The following NPHP4 variants were observed in gnomAD, a reference collection of about 807,000 sequenced individuals.
NPHP4 encodes nephrocystin-4.
NPHP4 carries 151 observed loss-of-function variants against 155.8 expected under a neutral mutation model. That is an observed-to-expected ratio of 0.97 (90% CI 0.85 to 1.11). The LOEUF (loss-of-function observed/expected upper bound fraction) is 1.11. NPHP4 is among the 50% of genes least tolerant of loss of function. The pLI, the probability that NPHP4 is intolerant of heterozygous loss-of-function variation, is 0.00. For missense variants in NPHP4, 1,956 were observed against 1,925.7 expected (o/e 1.02, Z -0.29); for synonymous variants, 845 against 816.8 (o/e 1.03, Z -0.59).
intron 3 of NPHP4, among the ~76,000 whole-genome samples, chr1:5,971,470 C>T (rs1355174449): frequency 1.3e-5 from 2 of 152,158 alleles, no homozygotes; most frequent in Non-Finnish European, 2.9e-5. Context: ...GGGAACAGCC[C>T]CAAGCTAAAG....
chr1:5,891,415 ACAGG>A (rs994056947), intron 16 of NPHP4, among the ~76,000 whole-genome samples: 77 of 152,312 alleles, frequency 5.1e-4, no homozygotes, highest in Non-Finnish European at 9.3e-4. Context: ...GTTCACACAC[ACAGG>A]CAGAGCTCAA....
At chr1:5,935,954 T>C (rs1474371376) in intron 9 of NPHP4, among the ~76,000 whole-genome samples, 1 of 152,202 alleles carries the variant, frequency 6.6e-6, no homozygotes, top group Non-Finnish European at 1.5e-5. Context: ...TAGACTACTT[T>C]TGTAAACAGT....
intron 11 of NPHP4, among the ~76,000 whole-genome samples, chr1:5,919,676 C>A (rs928365377): frequency 3.3e-5 from 5 of 152,070 alleles, no homozygotes; most frequent in Non-Finnish European, 7.4e-5. Flanking sequence ...GCTTTCTGGG[C>A]CCACCCGGAA....
At chr1:5,920,773 T>C (rs953936230) in intron 11 of NPHP4, among the ~76,000 whole-genome samples, 1 of 152,268 alleles carries the variant, frequency 6.6e-6, no homozygotes, top group African/African-American at 2.4e-5. Flanking sequence ...TTAATGGTCA[T>C]ATGTATTGCA....
chr1:5,967,380 A>G lies in NPHP4; in HGVS notation c.453-17T>C, dbSNP rs201880900. On this transcript the variant is annotated splice_polypyrimidine_tract_variant and intron_variant, in intron 4 of 29. Transcript: ENST00000378156. ...AGCCGCAACCTGGAAGACAGGACCCAGAGAACAGTCGTCAGCCACGTGCGC... is the reference window on the plus strand; with the variant it reads ...AGCCGCAACCTGGAAGACAGGACCCGGAGAACAGTCGTCAGCCACGTGCGC... 7.8e-5 allele frequency: 125 copies of G among 1,598,008 alleles called. No homozygotes were observed. The East Asian group carries it at 2.8e-3, about 36-fold the overall frequency.
At chr1:5,991,785 A>G (rs1259643917) in intron 1 of NPHP4, among the ~76,000 whole-genome samples, 1 of 138,772 alleles carries the variant, frequency 7.2e-6, no homozygotes, top group Admixed American at 7.0e-5. Context: ...GGGGGCGGGG[A>G]GGAGGGGCGG....
rs768268989 is a variant in NPHP4, at chr1:5,961,828, C to G, written c.639G>C (p.Gln213His). ...PENLLVSGLQ[Q>H]IPGLLPAHGE... The stretch of plus-strand genomic sequence containing the variant: ...CATGAGCTGGAAGCAGGCCAGGTAT[C>G]TGCTGCAGACCAGACACCAGAAGGT... The change falls in exon 6 of 30, where the codon CAG becomes CAC. Residue 213 changes from glutamine to histidine, a missense_variant. Gln to His is a conservative substitution (Grantham distance 24). Transcript: ENST00000378156. The G allele has an allele frequency of 2.5e-6, 4 of 1,613,356 alleles. No individual in the cohort carries two copies. The South Asian group carries it at 4.4e-5, about 18-fold the overall frequency.
rs1426440104 is a variant in NPHP4 at position 5,969,084 on chromosome 1, T to C, written c.452+3A>G. On this transcript the variant is annotated splice_donor_region_variant and intron_variant, in intron 4 of 29. Coordinates refer to ENST00000378156, the MANE Select transcript of NPHP4 (RefSeq NM_015102.5). ...CCCAGGGTTGTAGAAACAAGGCAGGTACCTTTTGTCCTGGGAAGCAGAGAT... is the reference window on the plus strand; with the variant it reads ...CCCAGGGTTGTAGAAACAAGGCAGGCACCTTTTGTCCTGGGAAGCAGAGAT... 9 of 1,540,296 alleles carry C rather than the reference T, an allele frequency of 5.8e-6. No individual in the cohort carries two copies. The Admixed American group carries it at 7.9e-5, about 14-fold the overall frequency.
At chr1:5,966,272 G>A (rs1651485229) in intron 5 of NPHP4, among the ~76,000 whole-genome samples, 1 of 152,112 alleles carries the variant, frequency 6.6e-6, no homozygotes, top group South Asian at 2.1e-4. Flanking sequence ...TTGAGACAGG[G>A]TCTCACTGTG....
chr1:5,907,123 C>T lies in NPHP4; in HGVS notation c.1603G>A (p.Ala535Thr). The T allele has an allele frequency of 1.3e-6, 2 of 1,532,300 alleles. No individual in the cohort carries two copies. Among genetic ancestry groups the T allele is most frequent in the East Asian group, 2.5e-5 (1 of 40,816 alleles). The allele number at this position is 1,532,300 out of a possible 1,614,324, so 94.9% of individuals were successfully genotyped here. A position where few individuals can be genotyped will look rare whatever the true frequency, so the allele number is the denominator to read the frequency against. Residue 535 changes from alanine to threonine, a missense_variant, in exon 13 of 30, where the codon GCC becomes ACC. Transcript: ENST00000378156. ...AGGTGGGCGGCACTTACTGCCTGGGCCGGGGAGGCCTGAGAGCCATGGGGT... is the reference window on the plus strand; with the variant it reads ...AGGTGGGCGGCACTTACTGCCTGGGTCGGGGAGGCCTGAGAGCCATGGGGT... The part of the protein sequence containing the change: ...QLPHGSQASP[A>T]QAQEFPLEAG...
chr1:5,952,913 ACC>A (rs2102006194), intron 6 of NPHP4, 77 bp from the exon 7 acceptor site: 1 of 1,408,986 alleles, frequency 7.1e-7, no homozygotes, highest in Admixed American at 2.2e-5. Flanking sequence ...GTCCCTACCC[ACC>A]CCAGCCTCAG....
intron 9 of NPHP4, among the ~76,000 whole-genome samples, chr1:5,939,125 C>A (rs1646694831): frequency 6.6e-6 from 1 of 152,094 alleles, no homozygotes; most frequent in Non-Finnish European, 1.5e-5. Flanking sequence ...CACAAGTGCC[C>A]CCAGTATTCT....
At chr1:5,904,213 G>A (rs1644805409) in intron 16 of NPHP4, among the ~76,000 whole-genome samples, 1 of 152,068 alleles carries the variant, frequency 6.6e-6, no homozygotes, top group South Asian at 2.1e-4. Context: ...CTTATTTCTG[G>A]ACAAACTTAA....
rs551292358 is a variant in NPHP4 at position 5,867,252 on chromosome 1, G to A, written c.3473-137C>T. On this transcript the variant is annotated intron_variant, in intron 24 of 29. Transcript: ENST00000378156. The surrounding 1 kb of genome is among the most constrained non-coding windows in gnomAD (Gnocchi z 4.1). ...CAAGACACCTGCTGGGGAAACGGAC[G>A]CCGCCACCTTTCCCAGGACAGCATC... 1.1e-4 allele frequency: 70 copies of A among 645,328 alleles called. No homozygotes were observed. Among genetic ancestry groups the A allele is most frequent in the African/African-American group, 4.3e-4 (24 of 55,312 alleles). The allele number at this position is 645,328 out of a possible 1,614,324, so 40.0% of individuals were successfully genotyped here. A position where few individuals can be genotyped will look rare whatever the true frequency, so the allele number is the denominator to read the frequency against.
chr1:5,866,653 C>A (rs1420205161), intron 25 of NPHP4, among the ~76,000 whole-genome samples, 195 bp from the exon 26 acceptor site: 1 of 152,230 alleles, frequency 6.6e-6, no homozygotes, highest in Non-Finnish European at 1.5e-5. Flanking sequence ...CCTGATTTTA[C>A]ATGGATCTCA....
At position 5,864,357 on chromosome 1, in the gene NPHP4, C is replaced by T. The variant is rs191062831; in HGVS notation, c.3977G>A (p.Arg1326His). 9.3e-6 allele frequency: 15 copies of T among 1,607,140 alleles called. No individual in the cohort carries two copies. The highest frequency in any genetic ancestry group is 5.5e-5 in the South Asian group (5 of 90,444). Residue 1326 changes from arginine to histidine, a missense_variant, in exon 28 of 30, where the codon CGC becomes CAC. Transcript: ENST00000378156. ...ACAGACCTTGGAGATGAGCGGCTGG[C>T]GGCAGCAGAGGCACACGAGCCAGGA... Reference protein sequence around the residue: ...VASWLVCLCCRQPLISKAFEI... With the variant: ...VASWLVCLCCHQPLISKAFEI...
rs141419442 is a variant in NPHP4 at position 5,939,822 on chromosome 1, A to G, written c.1120-6493T>C. 6.0e-3 allele frequency among the ~76,000 whole-genome samples: 913 copies of G among 152,342 alleles called. 11 individuals are homozygous for G. The highest frequency in any genetic ancestry group is 0.02 in the African/African-American group (813 of 41,566). ...CGCGTTGTCTATGAGCTTGGATTTA[A>G]GGAACTTGGGAGCAAGAAGCTTTCT... On this transcript the variant is annotated intron_variant, in intron 9 of 29. Transcript: ENST00000378156.
At chr1:5,915,148 G>A (rs576602402) in intron 11 of NPHP4, among the ~76,000 whole-genome samples, 4 of 152,342 alleles carry the variant, frequency 2.6e-5, no homozygotes, top group East Asian at 1.9e-4. Context: ...GGGGCAGCAC[G>A]CAGAGGCTGT....
intron 11 of NPHP4, among the ~76,000 whole-genome samples, chr1:5,922,397 T>C (rs908421887): frequency 1.3e-5 from 2 of 152,238 alleles, no homozygotes; most frequent in East Asian, 1.9e-4. Context: ...TATCACACTT[T>C]ATATTTTGTC....
Sources: allele counts gnomAD v4.1 joint callset (sites outside exome capture counted in the v4.1 genomes callset), GRCh38; gene constraint gnomAD v4.1.1; non-coding constraint Gnocchi (gnomAD v3.1); transcripts MANE v1.5; gene names NCBI Gene and HGNC (gene_info 2026-07-23, HGNC 2026-07-21).